KCTD16: variants seen among roughly 807,000 people sequenced by gnomAD.
KCTD16 encodes the protein potassium channel tetramerization domain containing 16, also known as BTB/POZ domain-containing protein KCTD16.
KCTD16 carries 13 observed loss-of-function variants against 33.2 expected under a neutral mutation model. The ratio of observed to expected loss-of-function variants is 0.39; its 90% confidence interval spans 0.25 to 0.62. KCTD16 has a LOEUF of 0.62. KCTD16 is among the 20% of genes least tolerant of loss of function. KCTD16 has a pLI of 0.50. For missense variants in KCTD16, 441 were observed against 525.1 expected, an observed-to-expected ratio of 0.84 and a Z score of 1.57; for synonymous variants, 197 against 195.3, an observed-to-expected ratio of 1.01 and a Z score of -0.07.
rs1286729088 is a variant in KCTD16, at chr5:144,483,886, A to T, written c.*9772A>T. The T allele has an allele frequency of 1.3e-5, 2 of 151,930 alleles. No homozygotes were observed. The highest frequency in any genetic ancestry group is 2.9e-5 in the Non-Finnish European group (2 of 67,930). 9.4% of individuals were successfully genotyped at this position (151,930 alleles called of 1,614,324 possible). ...GAATCCTTTTTTCACCAGCCTTCTA[A>T]AGATGTTGTCTTAAAAACATAAGAA... On this transcript the variant is annotated 3_prime_UTR_variant, in exon 4 of 4. Transcript: ENST00000512467.
At chr5:144,383,843 C>A (rs1005269941) in intron 3 of KCTD16, among the ~76,000 whole-genome samples, 5 of 152,076 alleles carry the variant, frequency 3.3e-5, no homozygotes, top group African/African-American at 1.2e-4. Flanking sequence ...ACCATCTGAG[C>A]CGAGGCTTAG....
chr5:144,176,654 G>A (rs1218726873), intron 2 of KCTD16, among the ~76,000 whole-genome samples: 2 of 150,672 alleles, frequency 1.3e-5, no homozygotes, highest in East Asian at 2.0e-4. Context: ...CACTCGCCTC[G>A]GCCTCCCAAA....
Position 144,466,240 on chromosome 5 carries a change from T to A in KCTD16, c.833-7420T>A, listed in dbSNP as rs1202445262. Among the ~76,000 whole-genome samples the A allele has an allele frequency of 1.1e-4, 4 of 36,130 alleles. No individual in the cohort carries two copies. In the East Asian group the frequency reaches 2.0e-3, roughly 18 times the overall value. 23.7% of individuals were successfully genotyped at this position (36,130 alleles called of 152,430 possible). Reference sequence around the variant, plus strand: ...TTATATCTTAGTTCACTAGCTAGGGTTTTTTTTTTTTTTTTCATGAGCTAA... The same window carrying A: ...TTATATCTTAGTTCACTAGCTAGGGATTTTTTTTTTTTTTTCATGAGCTAA... On this transcript the variant is annotated intron_variant, in intron 3 of 3. Coordinates refer to ENST00000512467, the MANE Select transcript of KCTD16 (RefSeq NM_020768.4).
chr5:144,354,703 T>C (rs1317769734), intron 3 of KCTD16, among the ~76,000 whole-genome samples: 1 of 152,228 alleles, frequency 6.6e-6, no homozygotes, highest in Non-Finnish European at 1.5e-5. Context: ...GGTTCCTGCT[T>C]TGCTGAGCCT....
intron 3 of KCTD16, among the ~76,000 whole-genome samples, chr5:144,446,904 A>T (rs1753832000): frequency 6.6e-6 from 1 of 152,200 alleles, no homozygotes; most frequent in African/African-American, 2.4e-5. Flanking sequence ...AAGTCAGGAA[A>T]CAACAGATGC....
At chr5:144,333,006 T>A (rs73295875) in intron 3 of KCTD16, among the ~76,000 whole-genome samples, 8 of 152,098 alleles carry the variant, frequency 5.3e-5, no homozygotes, top group African/African-American at 1.9e-4. Flanking sequence ...GGGAAAGACA[T>A]GCCACCATGA....
intron 3 of KCTD16, among the ~76,000 whole-genome samples, chr5:144,390,400 C>T (rs1752421717): frequency 6.6e-6 from 1 of 152,082 alleles, no homozygotes; most frequent in South Asian, 2.1e-4. Flanking sequence ...GAGTCTAGCT[C>T]ACAACTGTTG....
At chr5:144,182,071 G>A (rs1204191159) in intron 2 of KCTD16, among the ~76,000 whole-genome samples, 1 of 146,354 alleles carries the variant, frequency 6.8e-6, no homozygotes, top group Non-Finnish European at 1.5e-5. Flanking sequence ...GGCAACAAAA[G>A]TGAAACTCCA....
intron 3 of KCTD16, among the ~76,000 whole-genome samples, chr5:144,428,332 G>C (rs868684284): frequency 6.6e-6 from 1 of 152,088 alleles, no homozygotes. Flanking sequence ...GCTAGCACTT[G>C]TATAACAGCC....
intron 2 of KCTD16, among the ~76,000 whole-genome samples, chr5:144,185,986 T>C (rs1752717403): frequency 6.6e-6 from 1 of 152,178 alleles, no homozygotes; most frequent in Non-Finnish European, 1.5e-5. Flanking sequence ...GAAGGGAATA[T>C]GATAACTTGC....
chr5:144,319,286 A>G (rs1000878782), intron 3 of KCTD16, among the ~76,000 whole-genome samples: 4 of 152,196 alleles, frequency 2.6e-5, no homozygotes, highest in Non-Finnish European at 5.9e-5. Flanking sequence ...AAGAAACTAA[A>G]GAATAGAAAA....
At chr5:144,276,136 C>G (rs1561550637) in intron 3 of KCTD16, among the ~76,000 whole-genome samples, 1 of 152,182 alleles carries the variant, frequency 6.6e-6, no homozygotes, top group Non-Finnish European at 1.5e-5. Flanking sequence ...CTTCTCTTCT[C>G]CCCAAAGTAA....
rs1220359408 is a variant in KCTD16 at position 144,278,485 on chromosome 5, C to CTTTTTTTTT, written c.832+70954_832+70962dup. Among the ~76,000 whole-genome samples the CTTTTTTTTT allele has an allele frequency of 2.3e-4, 21 of 89,976 alleles. 1 individual carries two copies. The highest frequency in any genetic ancestry group is 0.01 in the Middle Eastern group (1 of 98). 59.0% of individuals were successfully genotyped at this position (89,976 alleles called of 152,430 possible). A position where few individuals can be genotyped will look rare whatever the true frequency, so the allele number is the denominator to read the frequency against. On this transcript the variant is annotated intron_variant, in intron 3 of 3. Transcript: ENST00000512467. ...TTGACTATTTTTGTTTGTTAGTCTT[C>CTTTTTTTTT]TTTTTTTTTTTTTTTTTTTTTTTGA... is the stretch of plus-strand genomic sequence containing the variant.
At chr5:144,374,800 G>A (rs1752048410) in intron 3 of KCTD16, among the ~76,000 whole-genome samples, 1 of 151,892 alleles carries the variant, frequency 6.6e-6, no homozygotes, top group African/African-American at 2.4e-5. Context: ...TGATATGCCT[G>A]TAGCTCTCAT....
intron 3 of KCTD16, among the ~76,000 whole-genome samples, chr5:144,400,801 A>T (rs1029606118): frequency 3.9e-5 from 6 of 152,212 alleles, no homozygotes; most frequent in Admixed American, 6.5e-5. Context: ...GCAAATTCAG[A>T]TTGGGCAATC....
intron 3 of KCTD16, among the ~76,000 whole-genome samples, chr5:144,321,189 C>G (rs1472006552): frequency 6.6e-6 from 1 of 152,122 alleles, no homozygotes; most frequent in Non-Finnish European, 1.5e-5. Context: ...CTTTGCTACT[C>G]TATTGGGAAA....
chr5:144,309,958 G>T (rs1486748470), intron 3 of KCTD16, among the ~76,000 whole-genome samples: 2 of 151,902 alleles, frequency 1.3e-5, no homozygotes, highest in Admixed American at 6.6e-5. Context: ...CATAATTTGT[G>T]AAATCTTTTT....
rs962832349 is a variant in KCTD16, at chr5:144,222,392, T to A, written c.832+14846T>A. Among the ~76,000 whole-genome samples the A allele has an allele frequency of 3.6e-4, 55 of 152,170 alleles. 1 individual carries two copies. On this transcript the variant is annotated intron_variant, in intron 3 of 3. Coordinates refer to ENST00000512467, the MANE Select transcript of KCTD16 (RefSeq NM_020768.4). Reference sequence around the variant, plus strand: ...GTATTCAACATTAAAGTAAGATGCATAACAACTATAATCCAAGGGCCTGGA... The same window carrying A: ...GTATTCAACATTAAAGTAAGATGCAAAACAACTATAATCCAAGGGCCTGGA...
chr5:144,282,888 A>G (rs1441953542), intron 3 of KCTD16, among the ~76,000 whole-genome samples: 6 of 152,122 alleles, frequency 3.9e-5, no homozygotes, highest in Admixed American at 3.9e-4. Flanking sequence ...AAAAATCTGT[A>G]CAGGAGTGTA....
Sources: allele counts gnomAD v4.1 joint callset (sites outside exome capture counted in the v4.1 genomes callset), GRCh38; gene constraint gnomAD v4.1.1; transcripts MANE v1.5; gene names NCBI Gene and HGNC (gene_info 2026-07-23, HGNC 2026-07-21).